Variants in GMEB1 observed in about 807,000 individuals in gnomAD.
GMEB1 encodes the protein glucocorticoid modulatory element binding protein 1.
GMEB1 carries 6 observed loss-of-function variants against 52.4 expected under a neutral mutation model. That is an observed-to-expected ratio of 0.11 (90% CI 0.06 to 0.23). The LOEUF (loss-of-function observed/expected upper bound fraction) is 0.23. Among genes scored for constraint, GMEB1 ranks in the 10% least tolerant of loss-of-function variants. GMEB1 has a pLI of 1.00. For missense variants in GMEB1, 486 were observed against 685.6 expected, an observed-to-expected ratio of 0.71 and a Z score of 3.25; for synonymous variants, 255 against 244.9, an observed-to-expected ratio of 1.04 and a Z score of -0.38.
chr1:28,694,241 A>C (rs2124523038), intron 5 of GMEB1, among the ~76,000 whole-genome samples: 1 of 139,486 alleles, frequency 7.2e-6, no homozygotes, highest in Non-Finnish European at 1.5e-5. Flanking sequence ...GCCAGGCTGG[A>C]GTGCAGTGGC....
At position 28,697,035 on chromosome 1, in the gene GMEB1, A is replaced by G. The variant is rs1670237694; in HGVS notation, c.549A>G (p.Pro183=). Residue 183 remains proline (P), a synonymous_variant, in exon 6 of 10, where the codon CCA becomes CCG. Coordinates refer to ENST00000373816, the MANE Select transcript of GMEB1 (RefSeq NM_001319674.2). The part of the protein sequence containing the change: ...FDLLISSARA[P]VPGQQTSVVQ... ...TTCTGATCAGCAGTGCAAGAGCTCCAGTGCCAGGACAGCAGACAAGTGTGG... is the reference window on the plus strand; with the variant it reads ...TTCTGATCAGCAGTGCAAGAGCTCCGGTGCCAGGACAGCAGACAAGTGTGG... 1 of 1,613,022 alleles carries G rather than the reference A, an allele frequency of 6.2e-7. No individual in the cohort carries two copies. Among genetic ancestry groups the G allele is most frequent in the African/African-American group, 1.3e-5 (1 of 74,864 alleles).
At chr1:28,695,667 G>A (rs560511151) in intron 5 of GMEB1, among the ~76,000 whole-genome samples, 5 of 149,796 alleles carry the variant, frequency 3.3e-5, no homozygotes, top group Admixed American at 6.6e-5. Context: ...GGCCGGGCGC[G>A]GTGGCTCACG....
chr1:28,703,084 C>G (rs1278189171), intron 7 of GMEB1, among the ~76,000 whole-genome samples: 1 of 152,120 alleles, frequency 6.6e-6, no homozygotes, highest in Non-Finnish European at 1.5e-5. Flanking sequence ...TAAGACCAGT[C>G]ACAAACAAGT....
chr1:28,703,554 G>A (rs182912672), intron 7 of GMEB1, among the ~76,000 whole-genome samples: 29 of 152,104 alleles, frequency 1.9e-4, no homozygotes, highest in Admixed American at 1.0e-3. Context: ...CCAGCTACTC[G>A]GAGGCTGAGA....
intron 9 of GMEB1, among the ~76,000 whole-genome samples, chr1:28,712,742 C>T (rs1180228803): frequency 6.6e-6 from 1 of 151,842 alleles, no homozygotes; most frequent in Non-Finnish European, 1.5e-5. Flanking sequence ...TCACTTGAAC[C>T]AGGAGAATTG....
chr1:28,690,162 A>T lies in GMEB1; in HGVS notation c.187A>T (p.Ile63Leu). The change falls in exon 3 of 10, where the codon ATA becomes TTA. Residue 63 changes from isoleucine to leucine, a missense_variant. Ile to Leu is a conservative substitution (Grantham distance 5). Coordinates refer to ENST00000373816, the MANE Select transcript of GMEB1 (RefSeq NM_001319674.2). ...TAVVAVETHT[I>L]HKIEEGIDTG... ...AGTTGTAGCAGTAGAAACTCACACG[A>T]TACACAAAATTGAAGAAGGGATTGG... 1 of 1,543,222 alleles carries T rather than the reference A, an allele frequency of 6.5e-7. No homozygotes were observed. Among genetic ancestry groups the T allele is most frequent in the African/African-American group, 1.4e-5 (1 of 71,818 alleles).
At chr1:28,678,398 G>C (rs1030081624) in intron 1 of GMEB1, among the ~76,000 whole-genome samples, 1 of 151,984 alleles carries the variant, frequency 6.6e-6, no homozygotes, top group Non-Finnish European at 1.5e-5. Context: ...TGCAAGCTCC[G>C]CCTCTGGGGT....
intron 9 of GMEB1, among the ~76,000 whole-genome samples, chr1:28,711,520 C>T (rs899084126): frequency 4.6e-5 from 7 of 152,096 alleles, no homozygotes; most frequent in Non-Finnish European, 7.4e-5. Flanking sequence ...GTGGCACAAT[C>T]ACGGCTCACT....
At chr1:28,706,910 A>G (rs1570433142) in intron 8 of GMEB1, among the ~76,000 whole-genome samples, 1 of 138,076 alleles carries the variant, frequency 7.2e-6, no homozygotes, top group East Asian at 2.1e-4. Context: ...CCGGTAATCC[A>G]CCTGTTTTGG....
In GMEB1 at chr1:28,670,619, C is replaced by T. The variant is rs115284598; in HGVS notation, c.-31+1780C>T. Among the ~76,000 whole-genome samples the T allele has an allele frequency of 7.8e-3, 1,182 of 152,220 alleles. 10 individuals carry two copies. Among genetic ancestry groups the T allele is most frequent in the African/African-American group, 0.025 (1,038 of 41,528 alleles). On this transcript the variant is annotated intron_variant, in intron 1 of 9. Transcript: ENST00000373816. The stretch of plus-strand genomic sequence containing the variant: ...CTGGGATTACAGGCGTGAATCACTG[C>T]GCCTGGCCCAACCAGGCTAATTTTT...
chr1:28,674,996 G>A (rs1243716843), intron 1 of GMEB1, among the ~76,000 whole-genome samples: 3 of 142,602 alleles, frequency 2.1e-5, no homozygotes, highest in African/African-American at 7.8e-5. Context: ...TGGGATTACA[G>A]GCGTGAGCCA....
chr1:28,698,960 A>G (rs886711389), intron 6 of GMEB1, among the ~76,000 whole-genome samples: 5 of 152,282 alleles, frequency 3.3e-5, no homozygotes, highest in African/African-American at 1.2e-4. Flanking sequence ...CAGCCTGGGT[A>G]ACAGAGCAAG....
chr1:28,710,558 C>T lies in GMEB1; in HGVS notation c.907C>T (p.Leu303=), dbSNP rs1255260042. The T allele has an allele frequency of 1.2e-6, 2 of 1,610,516 alleles. No individual in the cohort carries two copies. The highest frequency in any genetic ancestry group is 2.2e-5 in the South Asian group (2 of 90,426). The change falls in exon 9 of 10, where the codon CTA becomes TTA. Residue 303 remains leucine, a synonymous_variant. Coordinates refer to ENST00000373816, the MANE Select transcript of GMEB1 (RefSeq NM_001319674.2). ...CAACAATGTAGCACACACATTTGGC[C>T]TAATGGACACAGTCAAGAAGGTTTT... The part of the protein sequence containing the change: ...VLNNVAHTFG[L]MDTVKKVLDN...
intron 8 of GMEB1, 24 bp from the exon 9 acceptor site, chr1:28,710,496 A>G (rs201363668): frequency 1.1e-5 from 17 of 1,570,112 alleles, no homozygotes; most frequent in Middle Eastern, 1.7e-4. Flanking sequence ...TTAACTGGAC[A>G]GGCATGTCTT....
At chr1:28,674,034 C>G (rs1005027293) in intron 1 of GMEB1, among the ~76,000 whole-genome samples, 5 of 151,856 alleles carry the variant, frequency 3.3e-5, no homozygotes, top group Admixed American at 2.6e-4. Flanking sequence ...GTAATCCCAG[C>G]TACTCGGGAG....
chr1:28,704,313 T>A lies in GMEB1; in HGVS notation c.852T>A (p.Ala284=). 6.2e-7 allele frequency: 1 copy of A among 1,612,360 alleles called. No individual in the cohort carries two copies. The highest frequency in any genetic ancestry group is 1.3e-5 in the African/African-American group (1 of 74,902). The part of the protein sequence containing the change: ...LRGVQQRLIQ[A]PFQVTDAAVL... ...GAGTTCAGCAGCGGCTCATCCAGGC[T>A]CCCTTCCAAGTCACAGGTAAGTGCA... Residue 284 remains alanine, a synonymous_variant, in exon 8 of 10, where the codon GCT becomes GCA. Coordinates refer to ENST00000373816, the MANE Select transcript of GMEB1 (RefSeq NM_001319674.2).
chr1:28,687,373 C>CA lies in GMEB1; in HGVS notation c.129-2730dup, dbSNP rs1319753146. Among the ~76,000 whole-genome samples the CA allele has an allele frequency of 4.6e-4, 11 of 23,926 alleles. 3 individuals carry two copies. The highest frequency in any genetic ancestry group is 2.2e-3 in the African/African-American group (10 of 4,498). 15.7% of individuals were successfully genotyped at this position (23,926 alleles called of 152,430 possible). ...ACACACACACACACACACACACACA[C>CA]ACACACACACACACAAAAAAAGACA... is the stretch of plus-strand genomic sequence containing the variant. On this transcript the variant is annotated intron_variant, in intron 2 of 9. Transcript: ENST00000373816.
rs1471757114 is a variant in GMEB1 at position 28,718,107 on chromosome 1, G to A, written c.*3334G>A. 1.3e-5 allele frequency: 2 copies of A among 152,212 alleles called. No individual in the cohort carries two copies. The highest frequency in any genetic ancestry group is 2.1e-4 in the South Asian group (1 of 4,836). The allele number at this position is 152,212 out of a possible 1,614,324, so 9.4% of individuals were successfully genotyped here. On this transcript the variant is annotated 3_prime_UTR_variant, in exon 10 of 10. Coordinates refer to ENST00000373816, the MANE Select transcript of GMEB1 (RefSeq NM_001319674.2). Reference sequence around the variant, plus strand: ...CCTAGATGGGGTGAGACATATGCAAGCCATTGGTATGTGCATAAGCAGTTG... The same window carrying A: ...CCTAGATGGGGTGAGACATATGCAAACCATTGGTATGTGCATAAGCAGTTG...
At chr1:28,699,466 G>C (rs1670389196) in intron 6 of GMEB1, among the ~76,000 whole-genome samples, 1 of 151,300 alleles carries the variant, frequency 6.6e-6, no homozygotes, top group Admixed American at 6.6e-5. Flanking sequence ...ATCTTGCTTT[G>C]TCACCCGGGC....
Sources: gnomAD v4.1 joint callset for allele counts (sites outside exome capture counted in the v4.1 genomes callset) on GRCh38, gnomAD v4.1.1 for gene constraint, MANE v1.5 for transcripts, NCBI Gene and HGNC (gene_info 2026-07-23, HGNC 2026-07-21) for gene names.